Variants in EMSY observed in about 807,000 individuals in gnomAD.
EMSY encodes the protein EMSY transcriptional repressor, BRCA2 interacting.
A neutral mutation model predicts 134.6 loss-of-function variants in EMSY; 26 were observed. That is an observed-to-expected ratio of 0.19 (90% CI 0.14 to 0.27). The LOEUF is 0.27. Among genes scored for constraint, EMSY ranks in the 10% least tolerant of loss-of-function variants. The probability of loss-of-function intolerance (pLI) is 1.00; values close to 1 mark genes in which losing one functional copy is unlikely to be tolerated. For synonymous variants in EMSY, 579 were observed against 577.8 expected (o/e 1.00, Z -0.03); for missense variants, 1,305 against 1,611.4 (o/e 0.81, Z 3.26).
At chr11:76,488,698 A>G (rs1471538588) in intron 8 of EMSY, among the ~76,000 whole-genome samples, 1 of 152,218 alleles carries the variant, frequency 6.6e-6, no homozygotes, top group East Asian at 1.9e-4. Flanking sequence ...TCACAAAACC[A>G]GAAGTCCAGA....
chr11:76,528,178 C>A, intron 13 of EMSY, 90 bp from the exon 15 acceptor site: 1 of 1,136,060 alleles, frequency 8.8e-7, no homozygotes, highest in Non-Finnish European at 1.3e-6. Flanking sequence ...GTTTCCATAC[C>A]AGGAAAATAT....
At chr11:76,501,020 CCTA>C (rs1392344171) in intron 9 of EMSY, among the ~76,000 whole-genome samples, 1 of 152,168 alleles carries the variant, frequency 6.6e-6, no homozygotes, top group Non-Finnish European at 1.5e-5. Flanking sequence ...ATTTATGAAA[CCTA>C]TGCACACCCT....
intron 5 of EMSY, chr11:76,458,880 G>A (rs1312164036): frequency 2.6e-5 from 4 of 151,948 alleles, no homozygotes; most frequent in African/African-American, 4.8e-5. Flanking sequence ...ATGCTCTAGA[G>A]GCCACCAAGA....
intron 8 of EMSY, among the ~76,000 whole-genome samples, chr11:76,473,851 C>T (rs776594159): frequency 1.3e-5 from 2 of 151,696 alleles, no homozygotes; most frequent in Non-Finnish European, 2.9e-5. Flanking sequence ...AAAAATTAGC[C>T]GGGCATGGTA....
intron 9 of EMSY, among the ~76,000 whole-genome samples, chr11:76,506,525 A>G (rs1490844619): frequency 6.6e-6 from 1 of 152,250 alleles, no homozygotes; most frequent in Non-Finnish European, 1.5e-5. Flanking sequence ...ATTCCCAGAA[A>G]TTGATCCAAC....
intron 6 of EMSY, among the ~76,000 whole-genome samples, chr11:76,462,172 G>A (rs1417049891): frequency 6.6e-6 from 1 of 152,024 alleles, no homozygotes; most frequent in Non-Finnish European, 1.5e-5. Context: ...CTGGGAGACG[G>A]AGGTTGTGGT....
At chr11:76,527,898 A>G (rs1395018143) in intron 13 of EMSY, among the ~76,000 whole-genome samples, 1 of 152,136 alleles carries the variant, frequency 6.6e-6, no homozygotes, top group South Asian at 2.1e-4. Flanking sequence ...CTGCAGCACA[A>G]AAATTCCACT....
At chr11:76,471,861 C>G (rs1487105673) in intron 7 of EMSY, among the ~76,000 whole-genome samples, 1 of 152,116 alleles carries the variant, frequency 6.6e-6, no homozygotes, top group Admixed American at 6.6e-5. Context: ...CTTGAACATA[C>G]CAAGCTTGCT....
Position 76,465,855 on chromosome 11 carries a change from G to A in EMSY, c.831+1775G>A, listed in dbSNP as rs890705455. 4.6e-5 allele frequency among the ~76,000 whole-genome samples: 7 copies of A among 152,290 alleles called. No homozygotes were observed. The South Asian group carries it at 6.2e-4, about 14-fold the overall frequency. On this transcript the variant is annotated intron_variant, in intron 7 of 20. Coordinates refer to ENST00000334736, the Ensembl canonical transcript of EMSY. ...GACATGCTGACTGGTGACTTTCATC[G>A]TAAATTGACCTAGCTGGACTATTTT...
intron 5 of EMSY, 36 bp from the exon 7 acceptor site, chr11:76,459,896 TG>T (rs773721122): frequency 1.8e-5 from 29 of 1,604,616 alleles, no homozygotes; most frequent in Admixed American, 1.0e-4. Flanking sequence ...ACAGTTTTGG[TG>T]AAAGTTAACA....
chr11:76,503,264 G>GCA (rs1191478234), intron 9 of EMSY, among the ~76,000 whole-genome samples: 3 of 130,886 alleles, frequency 2.3e-5, no homozygotes, highest in African/African-American at 8.9e-5. Context: ...TTGCACCACT[G>GCA]CACTCTAGCC....
intron 4 of EMSY, among the ~76,000 whole-genome samples, chr11:76,456,000 G>T (rs1174773697): frequency 6.6e-6 from 1 of 152,174 alleles, no homozygotes; most frequent in Non-Finnish European, 1.5e-5. Flanking sequence ...CAAAGGATAT[G>T]TGGGCCAAGG....
chr11:76,457,483 G>T (rs1016287789), intron 4 of EMSY, among the ~76,000 whole-genome samples: 7 of 152,212 alleles, frequency 4.6e-5, no homozygotes, highest in Admixed American at 2.6e-4. Context: ...TGTTTGCTTA[G>T]AGAGTTGAAT....
rs1463793610 is a variant in EMSY at position 76,479,392 on chromosome 11, C to A, written c.1108+6552C>A. On this transcript the variant is annotated intron_variant, in intron 8 of 20. Transcript: ENST00000334736. ...AGTGATATATCTTTTCCTTGTACAC[C>A]CAGATTCCCCTCACACAAGCACTTC... is the stretch of plus-strand genomic sequence containing the variant. 3.9e-5 allele frequency among the ~76,000 whole-genome samples: 6 copies of A among 152,162 alleles called. No homozygotes were observed. In the East Asian group the frequency reaches 1.2e-3, roughly 29 times the overall value.
intron 2 of EMSY, among the ~76,000 whole-genome samples, chr11:76,448,737 A>G (rs941255691): frequency 2.6e-4 from 40 of 152,198 alleles, no homozygotes; most frequent in Admixed American, 2.5e-3. Context: ...GCTTATTATC[A>G]TAACAATGAA....
At chr11:76,511,629 G>A (rs1950280609) in intron 9 of EMSY, among the ~76,000 whole-genome samples, 1 of 152,100 alleles carries the variant, frequency 6.6e-6, no homozygotes, top group African/African-American at 2.4e-5. Flanking sequence ...AAACCCAGGA[G>A]GTGGAGGTTG....
intron 6 of EMSY, among the ~76,000 whole-genome samples, chr11:76,462,610 A>G: frequency 6.6e-6 from 1 of 152,220 alleles, no homozygotes; most frequent in South Asian, 2.1e-4. Context: ...TGATGATTGC[A>G]GAATGATGAA....
chr11:76,542,748 T>TTTTTGTC (rs895077979), intron 18 of EMSY, among the ~76,000 whole-genome samples: 2 of 144,756 alleles, frequency 1.4e-5, no homozygotes, highest in Non-Finnish European at 3.0e-5. Context: ...TGTTTTTCGT[T>TTTTTGTC]TTTTGTTTTT....
chr11:76,455,052 A>G (rs1033410716), intron 4 of EMSY, among the ~76,000 whole-genome samples: 1 of 152,068 alleles, frequency 6.6e-6, no homozygotes, highest in African/African-American at 2.4e-5. Context: ...TGTCCTGGAA[A>G]AGGTTTGGTG....
Sources: gnomAD v4.1 joint callset for allele counts (sites outside exome capture counted in the v4.1 genomes callset) on GRCh38, gnomAD v4.1.1 for gene constraint, MANE v1.5 for transcripts, NCBI Gene and HGNC (gene_info 2026-07-23, HGNC 2026-07-21) for gene names.